Variants in DLGAP2 observed in about 807,000 individuals in gnomAD.
DLGAP2 encodes disks large-associated protein 2.
Under a neutral mutation model 100.3 loss-of-function variants are expected in DLGAP2, and 26 were observed. That is an observed-to-expected ratio of 0.26 (90% CI 0.19 to 0.36). The LOEUF (loss-of-function observed/expected upper bound fraction) is 0.36. Among genes scored for constraint, DLGAP2 ranks in the 10% least tolerant of loss-of-function variants. DLGAP2 has a pLI of 1.00. For missense variants in DLGAP2, 1,858 were observed against 1,453.2 expected, an observed-to-expected ratio of 1.28 and a Z score of -4.53; for synonymous variants, 886 against 630.1, an observed-to-expected ratio of 1.41 and a Z score of -6.08.
intron 3 of DLGAP2, among the ~76,000 whole-genome samples, chr8:1,307,151 A>G (rs1462740396): frequency 6.8e-6 from 1 of 147,774 alleles, no homozygotes; most frequent in Admixed American, 6.8e-5. Context: ...TCAATCTGAA[A>G]ATGGACTGAT....
chr8:1,675,800 TCA>T (rs1798797737), intron 10 of DLGAP2, among the ~76,000 whole-genome samples: 1 of 152,094 alleles, frequency 6.6e-6, no homozygotes, highest in African/African-American at 2.4e-5. Context: ...ACCTTTGGTT[TCA>T]CAGTTTTCCT....
chr8:937,673 C>T (rs1799102422), intron 2 of DLGAP2, among the ~76,000 whole-genome samples: 1 of 152,200 alleles, frequency 6.6e-6, no homozygotes, highest in South Asian at 2.1e-4. Flanking sequence ...GCCCAACTGC[C>T]TCGCTGGGTG....
chr8:1,072,528 C>G (rs959830302), intron 2 of DLGAP2, among the ~76,000 whole-genome samples: 3 of 152,290 alleles, frequency 2.0e-5, no homozygotes, highest in South Asian at 4.1e-4. Flanking sequence ...CGCAGCGTTT[C>G]TCCCCGCGGT....
intron 3 of DLGAP2, among the ~76,000 whole-genome samples, chr8:1,295,604 T>A (rs1271060351): frequency 1.3e-5 from 2 of 152,134 alleles, no homozygotes; most frequent in Non-Finnish European, 2.9e-5. Context: ...CAGGGGAACA[T>A]GTGTCAAGGT....
At position 1,418,743 on chromosome 8, in the gene DLGAP2, A is replaced by G. The variant is rs543942895; in HGVS notation, c.107-82623A>G. 5.3e-5 allele frequency among the ~76,000 whole-genome samples: 8 copies of G among 152,302 alleles called. No homozygotes were observed. In the East Asian group the frequency reaches 5.8e-4, roughly 11 times the overall value. On this transcript the variant is annotated intron_variant, in intron 3 of 14. Transcript: ENST00000637795. ...CGTTTCTCCCACTACCAGGACACCA[A>G]CTGGGCGTCCTCTAATTCATTGCTG...
chr8:772,866 A>G (rs761692461), intron 1 of DLGAP2, among the ~76,000 whole-genome samples: 12 of 152,106 alleles, frequency 7.9e-5, no homozygotes, highest in East Asian at 1.9e-4. Flanking sequence ...TTTTGTGTGT[A>G]TGTGTAGGCA....
chr8:915,366 T>C (rs899268283), intron 2 of DLGAP2, among the ~76,000 whole-genome samples: 1 of 152,066 alleles, frequency 6.6e-6, no homozygotes, highest in Admixed American at 6.5e-5. Flanking sequence ...GCTAACACGG[T>C]GAAACCCGGT....
chr8:1,594,625 T>C (rs1387692585), intron 6 of DLGAP2, among the ~76,000 whole-genome samples: 1 of 152,094 alleles, frequency 6.6e-6, no homozygotes, highest in African/African-American at 2.4e-5. Context: ...GGTTTCACCA[T>C]GTTGGCCAGG....
At chr8:1,353,259 A>T (rs888133508) in intron 3 of DLGAP2, among the ~76,000 whole-genome samples, 9 of 152,186 alleles carry the variant, frequency 5.9e-5, no homozygotes, top group African/African-American at 2.2e-4. Context: ...GGCTTTCTCT[A>T]GACACATGTG....
intron 3 of DLGAP2, among the ~76,000 whole-genome samples, chr8:1,282,917 G>C (rs75450821): frequency 8.5e-6 from 1 of 118,064 alleles, no homozygotes; most frequent in African/African-American, 3.1e-5. Context: ...AACCCAGCAC[G>C]TGAACCATCC....
Position 798,769 on chromosome 8 carries a change from T to A in DLGAP2, c.18+60944T>A, listed in dbSNP as rs374453168. Reference sequence around the variant, plus strand: ...GCACTGAAAGCAAACGCTTGTTGAGTCAGGACCTGCAGCCCCGTGCCCTGG... The same window carrying A: ...GCACTGAAAGCAAACGCTTGTTGAGACAGGACCTGCAGCCCCGTGCCCTGG... On this transcript the variant is annotated intron_variant, in intron 1 of 14. Coordinates refer to ENST00000637795, the MANE Select transcript of DLGAP2 (RefSeq NM_001346810.2). 2.9e-5 allele frequency among the ~76,000 whole-genome samples: 4 copies of A among 139,516 alleles called. No individual in the cohort carries two copies. The East Asian group carries it at 6.6e-4, about 23-fold the overall frequency. The allele number at this position is 139,516 out of a possible 152,430, so 91.5% of individuals were successfully genotyped here.
chr8:1,410,105 G>GCGTCCTCC, intron 3 of DLGAP2, among the ~76,000 whole-genome samples: 2 of 152,206 alleles, frequency 1.3e-5, no homozygotes, highest in African/African-American at 4.8e-5. Context: ...CCCCAGGAAT[G>GCGTCCTCC]CCAGACGCTG....
intron 3 of DLGAP2, among the ~76,000 whole-genome samples, chr8:1,478,582 G>T (rs975209473): frequency 3.9e-5 from 6 of 152,114 alleles, no homozygotes; most frequent in Middle Eastern, 3.2e-3. Context: ...AATAGATCTG[G>T]TCCGGGACGC....
chr8:1,224,234 T>G (rs1798371432), intron 2 of DLGAP2, among the ~76,000 whole-genome samples: 1 of 152,168 alleles, frequency 6.6e-6, no homozygotes, highest in Non-Finnish European at 1.5e-5. Flanking sequence ...GTGGCACATT[T>G]AATGTGGGTC....
rs979127437 is a variant in DLGAP2, at chr8:1,193,770, G to C, written c.74-65081G>C. On this transcript the variant is annotated intron_variant, in intron 2 of 14. Coordinates refer to ENST00000637795, the MANE Select transcript of DLGAP2 (RefSeq NM_001346810.2). ...GTCCTGTGGAGCAGATCCCAGTCTC[G>C]GCCTCTAGAGCCTCCGCACCATGCC... 5.9e-5 allele frequency among the ~76,000 whole-genome samples: 9 copies of C among 151,786 alleles called. 1 individual carries two copies. The highest frequency in any genetic ancestry group is 5.9e-4 in the Admixed American group (9 of 15,238).
chr8:870,561 T>TTTCCTCTCACTTCCTGCTCTGG (rs1797578511), intron 1 of DLGAP2, among the ~76,000 whole-genome samples: 1 of 152,140 alleles, frequency 6.6e-6, no homozygotes, highest in South Asian at 2.1e-4. Flanking sequence ...TCCTGCTCTG[T>TTTCCTCTCACTTCCTGCTCTGG]TTCCTCTCAC....
In DLGAP2 at chr8:1,697,161, G is replaced by A. The variant is rs1563069130; in HGVS notation, c.2811G>A (p.Met937Ile). 1 of 1,593,812 alleles carries A rather than the reference G, an allele frequency of 6.3e-7. No individual in the cohort carries two copies. Among genetic ancestry groups the A allele is most frequent in the Non-Finnish European group, 8.6e-7 (1 of 1,168,520 alleles). The change falls in exon 14 of 15, where the codon ATG (methionine) becomes ATA (isoleucine). Residue 937 changes from methionine (M) to isoleucine (I), a missense_variant. Physicochemically the swap from Met to Ile is conservative, Grantham distance 10. Coordinates refer to ENST00000637795, the MANE Select transcript of DLGAP2 (RefSeq NM_001346810.2). ...TGTGTCCCCAGGACCCCAGCGCCAT[G>A]CCGAGGCCGACGTCGCAGGACCTGG... is the stretch of plus-strand genomic sequence containing the variant. ...LCQQNMDPSA[M>I]PRPTSQDLAG...
intron 2 of DLGAP2, among the ~76,000 whole-genome samples, chr8:989,290 A>G (rs1241017799): frequency 1.1e-4 from 17 of 151,750 alleles, no homozygotes; most frequent in Non-Finnish European, 5.9e-5. Context: ...CCCACATCCT[A>G]ACCTCCTCTC....
chr8:1,088,788 A>C (rs1310438780), intron 2 of DLGAP2, among the ~76,000 whole-genome samples: 65 of 27,000 alleles, frequency 2.4e-3, no homozygotes, highest in Admixed American at 3.4e-3. Flanking sequence ...TGCAATTCTC[A>C]CTCCCCCCAC....
Sources: allele counts gnomAD v4.1 joint callset (sites outside exome capture counted in the v4.1 genomes callset), GRCh38; gene constraint gnomAD v4.1.1; transcripts MANE v1.5; gene names NCBI Gene and HGNC (gene_info 2026-07-23, HGNC 2026-07-21).